Variants in KLHL28 observed in about 807,000 individuals in gnomAD.
KLHL28 encodes kelch-like protein 28.
In KLHL28, 22 loss-of-function variants were observed where a neutral mutation model predicts 48.3. That is an observed-to-expected ratio of 0.46 (90% CI 0.33 to 0.65). The LOEUF is 0.65. Ranked by LOEUF, KLHL28 falls within the 30% of genes least tolerant of loss-of-function variation. The pLI, the probability that KLHL28 is intolerant of heterozygous loss-of-function variation, is 0.03. For synonymous variants in KLHL28, 243 were observed against 242.4 expected (o/e 1.00, Z -0.02); for missense variants, 527 against 704.3 (o/e 0.75, Z 2.85).
chr14:44,940,000 A>G (rs1393634127), intron 2 of KLHL28, among the ~76,000 whole-genome samples: 2 of 152,220 alleles, frequency 1.3e-5, no homozygotes, highest in Non-Finnish European at 2.9e-5. Flanking sequence ...TATAAAGAAC[A>G]AAAGTTTATT....
At chr14:44,961,255 C>G (rs990140874) in intron 1 of KLHL28, 2 of 200,866 alleles carry the variant, frequency 1.0e-5, no homozygotes, top group African/African-American at 4.6e-5. Flanking sequence ...GACTGAAAGG[C>G]TGCAGAGACG....
chr14:44,934,321 A>G lies in KLHL28; in HGVS notation c.1137T>C (p.Leu379=). The G allele has an allele frequency of 6.2e-7, 1 of 1,614,158 alleles. No individual in the cohort carries two copies. The highest frequency in any genetic ancestry group is 8.5e-7 in the Non-Finnish European group (1 of 1,180,000). ...GTTCTCCTGCAAGTACTACTACTCC[A>G]AGAGTACTTCGGCTTTCATTCATTC... is the stretch of plus-strand genomic sequence containing the variant. The part of the protein sequence containing the change: ...LERMNESRST[L]GVVVLAGELY... The change falls in exon 3 of 5, where the codon CTT becomes CTC. Residue 379 remains leucine (L), a synonymous_variant. Transcript: ENST00000396128.
Position 44,945,657 on chromosome 14 carries a change from T to A in KLHL28, c.272A>T (p.Glu91Val). 6.2e-7 allele frequency: 1 copy of A among 1,614,196 alleles called. No individual in the cohort carries two copies. The highest frequency in any genetic ancestry group is 1.1e-5 in the South Asian group (1 of 91,086). Residue 91 changes from glutamate (E) to valine (V), a missense_variant, in exon 2 of 5, where the codon GAG becomes GTG. Physicochemically the swap from Glu to Val is moderately radical, Grantham distance 121. Transcript: ENST00000396128. ...AAAAACAGTCCCTGTATAGGCATACTCCACAATGGCCTGGAGAGCAGTTTC... is the reference window on the plus strand; with the variant it reads ...AAAAACAGTCCCTGTATAGGCATACACCACAATGGCCTGGAGAGCAGTTTC... ...IDETALQAIV[E>V]YAYTGTVFIS...
intron 1 of KLHL28, among the ~76,000 whole-genome samples, chr14:44,957,555 A>G (rs1175036134): frequency 6.6e-6 from 1 of 152,218 alleles, no homozygotes; most frequent in African/African-American, 2.4e-5. Flanking sequence ...AATTGTTATC[A>G]CTTCTCATAA....
chr14:44,931,404 G>A lies in KLHL28; in HGVS notation c.1481C>T (p.Ser494Phe). The change falls in exon 4 of 5, where the codon TCC becomes TTC. Residue 494 changes from serine (S) to phenylalanine (F), a missense_variant. Transcript: ENST00000396128. Reference sequence around the variant, plus strand: ...ATGAGGATCGTATCTTTCAATGCTGGACAAATGTGAGACTCCATTATGTCC... The same window carrying A: ...ATGAGGATCGTATCTTTCAATGCTGAACAAATGTGAGACTCCATTATGTCC... ...VGGHNGVSHL[S>F]SIERYDPHQN... 1 of 1,613,842 alleles carries A rather than the reference G, an allele frequency of 6.2e-7. No homozygotes were observed. The highest frequency in any genetic ancestry group is 8.5e-7 in the Non-Finnish European group (1 of 1,179,920).
chr14:44,933,323 T>C (rs1566562765), intron 3 of KLHL28, among the ~76,000 whole-genome samples: 1 of 150,978 alleles, frequency 6.6e-6, no homozygotes, highest in Non-Finnish European at 1.5e-5. Context: ...CTTTTTTTTT[T>C]TTTTTGAGAC....
intron 1 of KLHL28, among the ~76,000 whole-genome samples, chr14:44,947,334 C>T (rs1439426831): frequency 1.3e-5 from 2 of 152,182 alleles, no homozygotes; most frequent in Admixed American, 6.5e-5. Context: ...CATGGTCCTG[C>T]CACCTTAATT....
At chr14:44,946,370 G>A (rs990030668) in intron 1 of KLHL28, among the ~76,000 whole-genome samples, 2 of 151,994 alleles carry the variant, frequency 1.3e-5, no homozygotes, top group Non-Finnish European at 1.5e-5. Flanking sequence ...CTTTAATTGG[G>A]CAGAAATTTC....
chr14:44,934,669 A>C, intron 2 of KLHL28, 111 bp from the exon 3 acceptor site: 1 of 754,760 alleles, frequency 1.3e-6, no homozygotes, highest in Non-Finnish European at 2.0e-6. Flanking sequence ...AGCACAATAA[A>C]CCATGACACA....
intron 1 of KLHL28, chr14:44,961,501 A>T (rs1885095851): frequency 6.6e-6 from 1 of 152,154 alleles, no homozygotes. Flanking sequence ...ACAAAAAAAA[A>T]TTAACCCTCT....
rs147146800 is a variant in KLHL28 at position 44,936,815 on chromosome 14, T to A, written c.900-2257A>T. ...AATGATGACTGTGATGTTTCTCGAA[T>A]CTAAGCTAGGCAAGATGGAAGATAA... On this transcript the variant is annotated intron_variant, in intron 2 of 4. Transcript: ENST00000396128. 5.7e-3 allele frequency among the ~76,000 whole-genome samples: 873 copies of A among 152,304 alleles called. 8 individuals are homozygous for A. The highest frequency in any genetic ancestry group is 0.026 in the South Asian group (127 of 4,820).
At chr14:44,960,903 T>G (rs1396248947) in intron 1 of KLHL28, 1 of 1,541,624 alleles carries the variant, frequency 6.5e-7, no homozygotes, top group Non-Finnish European at 8.8e-7. Context: ...CAGAGCAGGG[T>G]AGGAATACTT....
chr14:44,928,936 A>G lies in KLHL28; in HGVS notation c.*92T>C. 2 of 1,146,900 alleles carry G rather than the reference A, an allele frequency of 1.7e-6. No individual in the cohort carries two copies. Among genetic ancestry groups the G allele is most frequent in the South Asian group, 1.6e-5 (1 of 64,344 alleles). The allele number at this position is 1,146,900 out of a possible 1,614,324, so 71.0% of individuals were successfully genotyped here. A position where few individuals can be genotyped will look rare whatever the true frequency, so the allele number is the denominator to read the frequency against. On this transcript the variant is annotated 3_prime_UTR_variant, in exon 5 of 5. Transcript: ENST00000396128. ...TGCTACTTCAAGTTAAAAAGAAAGC[A>G]ATGCAGCTTGTGGGTTTCAGAAAAC...
chr14:44,924,388 A>T lies in KLHL28; in HGVS notation c.*4640T>A, dbSNP rs1013941137. On this transcript the variant is annotated 3_prime_UTR_variant, in exon 5 of 5. Coordinates refer to ENST00000396128, the MANE Select transcript of KLHL28 (RefSeq NM_017658.5). Reference sequence around the variant, plus strand: ...GAAATTTAACCATAATAATTACAGAACATTACCACAATGATACACACAAAT... The same window carrying T: ...GAAATTTAACCATAATAATTACAGATCATTACCACAATGATACACACAAAT... The T allele has an allele frequency of 1.3e-5, 2 of 152,480 alleles. No homozygotes were observed. Among genetic ancestry groups the T allele is most frequent in the African/African-American group, 2.4e-5 (1 of 41,454 alleles). The allele number at this position is 152,480 out of a possible 1,614,324, so 9.4% of individuals were successfully genotyped here. A position where few individuals can be genotyped will look rare whatever the true frequency, so the allele number is the denominator to read the frequency against.
Position 44,945,403 on chromosome 14 carries a change from G to A in KLHL28, c.526C>T (p.Leu176Phe). ...ATTTCATCCAAGTCAGCATGTGTAA[G>A]CTCAAAAAACTCTTCAGTCTGGCAA... ...AVCQTEEFFE[L>F]THADLDEIVS... The change falls in exon 2 of 5, where the codon CTT becomes TTT. Residue 176 changes from leucine (L) to phenylalanine (F), a missense_variant. Coordinates refer to ENST00000396128, the MANE Select transcript of KLHL28 (RefSeq NM_017658.5). 6.2e-7 allele frequency: 1 copy of A among 1,614,154 alleles called. No individual in the cohort carries two copies. The highest frequency in any genetic ancestry group is 1.1e-5 in the South Asian group (1 of 91,074).
In KLHL28 at chr14:44,945,152, C is replaced by T. The variant is rs984209296; in HGVS notation, c.777G>A (p.Lys259=). 9 of 1,614,004 alleles carry T rather than the reference C, an allele frequency of 5.6e-6. No individual in the cohort carries two copies. The highest frequency in any genetic ancestry group is 1.6e-4 in the Middle Eastern group (1 of 6,084). ...TCKHLLNEAL[K]YHFMPEHRLS... ...GTCTATGTTCAGGCATAAAGTGGTA[C>T]TTTAGGGCTTCATTCAAAAGATGTT... Residue 259 remains lysine, a synonymous_variant, in exon 2 of 5, where the codon AAG becomes AAA. Coordinates refer to ENST00000396128, the MANE Select transcript of KLHL28 (RefSeq NM_017658.5).
chr14:44,931,525 G>C lies in KLHL28; in HGVS notation c.1360C>G (p.Pro454Ala). The change falls in exon 4 of 5, where the codon CCA becomes GCA. Residue 454 changes from proline to alanine, a missense_variant. Coordinates refer to ENST00000396128, the MANE Select transcript of KLHL28 (RefSeq NM_017658.5). ...AHMNSVERYDPSKDSWEMVAS... is the reference protein window; with the variant it reads ...AHMNSVERYDASKDSWEMVAS... ...ACCATCTCCCAGGAGTCCTTACTTGGATCATAACGCTCCACACTGCAAATA... is the reference window on the plus strand; with the variant it reads ...ACCATCTCCCAGGAGTCCTTACTTGCATCATAACGCTCCACACTGCAAATA... 6.2e-7 allele frequency: 1 copy of C among 1,613,068 alleles called. No homozygotes were observed. Among genetic ancestry groups the C allele is most frequent in the South Asian group, 1.1e-5 (1 of 91,038 alleles).
At chr14:44,939,237 C>A (rs2138608248) in intron 2 of KLHL28, among the ~76,000 whole-genome samples, 1 of 152,184 alleles carries the variant, frequency 6.6e-6, no homozygotes, top group South Asian at 2.1e-4. Context: ...AGGCTGATTC[C>A]CCCAAACCAT....
At chr14:44,941,559 C>T (rs1183401037) in intron 2 of KLHL28, among the ~76,000 whole-genome samples, 2 of 146,312 alleles carry the variant, frequency 1.4e-5, no homozygotes, top group African/African-American at 5.1e-5. Context: ...ACCTGGGAGG[C>T]GGAGATTGCG....
Sources: gnomAD v4.1 joint callset for allele counts (sites outside exome capture counted in the v4.1 genomes callset) on GRCh38, gnomAD v4.1.1 for gene constraint, MANE v1.5 for transcripts, NCBI Gene and HGNC (gene_info 2026-07-23, HGNC 2026-07-21) for gene names.